GLIS1: variants seen among roughly 807,000 people sequenced by gnomAD.
GLIS1 encodes the protein GLIS family zinc finger 1.
In GLIS1, 24 loss-of-function variants were observed where a neutral mutation model predicts 63.8. That is an observed-to-expected ratio of 0.38 (90% CI 0.27 to 0.53). The LOEUF (loss-of-function observed/expected upper bound fraction) is 0.53. GLIS1 is among the 20% of genes least tolerant of loss of function. The pLI is 0.85. For synonymous variants in GLIS1, 450 were observed against 482.5 expected (o/e 0.93, Z 0.88); for missense variants, 1,036 against 1,074.1 (o/e 0.96, Z 0.50).
chr1:53,696,603 C>A (rs956786690), intron 2 of GLIS1, among the ~76,000 whole-genome samples: 4 of 152,090 alleles, frequency 2.6e-5, no homozygotes, highest in African/African-American at 7.2e-5. Flanking sequence ...CAAACTCCCC[C>A]ACCCTCACCC....
At chr1:53,698,779 T>C (rs2100486018) in intron 2 of GLIS1, among the ~76,000 whole-genome samples, 1 of 152,268 alleles carries the variant, frequency 6.6e-6, no homozygotes, top group South Asian at 2.1e-4. Context: ...CCATAAAAAC[T>C]CAGCCACTTC....
chr1:53,705,609 C>T (rs1646570998), intron 2 of GLIS1, among the ~76,000 whole-genome samples: 1 of 152,104 alleles, frequency 6.6e-6, no homozygotes, highest in African/African-American at 2.4e-5. Flanking sequence ...AGGTCACCTG[C>T]CACCAGGTGT....
chr1:53,568,741 A>G (rs1644957520), intron 4 of GLIS1, among the ~76,000 whole-genome samples: 2 of 152,280 alleles, frequency 1.3e-5, no homozygotes, highest in South Asian at 2.1e-4. Flanking sequence ...CTGCTCCACC[A>G]TGATAAGACA....
chr1:53,708,149 G>A (rs1316413745), intron 2 of GLIS1, among the ~76,000 whole-genome samples: 2 of 152,086 alleles, frequency 1.3e-5, no homozygotes, highest in South Asian at 4.2e-4. Flanking sequence ...TGGGCGTGGT[G>A]GGGGATGCCT....
At chr1:53,559,994 C>T (rs547193865) in intron 4 of GLIS1, among the ~76,000 whole-genome samples, 1 of 152,290 alleles carries the variant, frequency 6.6e-6, no homozygotes, top group South Asian at 2.1e-4. Context: ...ACTTATCCTT[C>T]AAGGTCCAAC....
At chr1:53,685,412 C>T (rs1003638534) in intron 2 of GLIS1, among the ~76,000 whole-genome samples, 2 of 152,228 alleles carry the variant, frequency 1.3e-5, no homozygotes, top group African/African-American at 2.4e-5. Context: ...TCAGCGCTGC[C>T]GGCCTGTGTA....
At chr1:53,579,633 A>C (rs1645065852) in intron 4 of GLIS1, among the ~76,000 whole-genome samples, 1 of 152,236 alleles carries the variant, frequency 6.6e-6, no homozygotes, top group African/African-American at 2.4e-5. Flanking sequence ...TGGAGCTGGA[A>C]GCAGCCCTCA....
intron 2 of GLIS1, among the ~76,000 whole-genome samples, chr1:53,659,967 G>A (rs1330595375): frequency 2.6e-5 from 4 of 152,162 alleles, no homozygotes; most frequent in Admixed American, 6.5e-5. Flanking sequence ...CCTCCTGGCT[G>A]GGTGGCCTTG....
At chr1:53,685,294 T>C (rs1285986907) in intron 2 of GLIS1, among the ~76,000 whole-genome samples, 1 of 152,176 alleles carries the variant, frequency 6.6e-6, no homozygotes, top group Admixed American at 6.5e-5. Context: ...TCACTCCCTT[T>C]GGAGCCCGCG....
rs1646897300 is a variant in GLIS1 at position 53,734,792 on chromosome 1, A to C, written c.259+3014T>G. 2.6e-5 allele frequency among the ~76,000 whole-genome samples: 4 copies of C among 152,212 alleles called. No homozygotes were observed. In the South Asian group the frequency reaches 8.3e-4, roughly 32 times the overall value. ...AAAGCTGTCCGCCTGCATAAAGCCC[A>C]GATGTTTACCTTCTTTCCTTGTCAG... On this transcript the variant is annotated intron_variant, in intron 2 of 10. Transcript: ENST00000628545.
intron 4 of GLIS1, among the ~76,000 whole-genome samples, chr1:53,532,577 C>T (rs897953082): frequency 6.6e-6 from 1 of 152,226 alleles, no homozygotes; most frequent in African/African-American, 2.4e-5. Context: ...GGCTGCAAGC[C>T]ACCTCCCTTG....
chr1:53,515,010 C>T (rs867184281), intron 7 of GLIS1, among the ~76,000 whole-genome samples: 1 of 152,058 alleles, frequency 6.6e-6, no homozygotes, highest in Middle Eastern at 3.2e-3. Context: ...GGCTGGGGCT[C>T]ACCCTGATAG....
intron 2 of GLIS1, among the ~76,000 whole-genome samples, chr1:53,665,288 A>G (rs559869054): frequency 7.2e-5 from 11 of 152,272 alleles, no homozygotes; most frequent in African/African-American, 2.6e-4. Context: ...CTGGGCAACT[A>G]GTAGGAACAT....
intron 5 of GLIS1, among the ~76,000 whole-genome samples, chr1:53,528,406 A>C (rs1371729683): frequency 6.6e-6 from 1 of 152,038 alleles, no homozygotes; most frequent in African/African-American, 2.4e-5. Flanking sequence ...TCTGCCACAC[A>C]CCTGCTGTGG....
At chr1:53,605,475 C>T (rs373856568) in intron 2 of GLIS1, among the ~76,000 whole-genome samples, 14 of 152,214 alleles carry the variant, frequency 9.2e-5, no homozygotes, top group African/African-American at 3.4e-4. Context: ...GCAGTCCCTG[C>T]GAATAGCTGC....
At chr1:53,667,669 C>G (rs1646107989) in intron 2 of GLIS1, among the ~76,000 whole-genome samples, 1 of 152,178 alleles carries the variant, frequency 6.6e-6, no homozygotes, top group Non-Finnish European at 1.5e-5. Context: ...TTTATTTTCA[C>G]AGCATTTTGA....
At chr1:53,696,973 C>T (rs552054085) in intron 2 of GLIS1, among the ~76,000 whole-genome samples, 3 of 152,238 alleles carry the variant, frequency 2.0e-5, no homozygotes, top group Non-Finnish European at 2.9e-5. Context: ...CAGCCCCTCT[C>T]GAGATGCCCC....
At position 53,703,897 on chromosome 1, in the gene GLIS1, C is replaced by A. The variant is rs79159667; in HGVS notation, c.259+33909G>T. 4.6e-3 allele frequency among the ~76,000 whole-genome samples: 704 copies of A among 152,308 alleles called. 18 individuals carry two copies. The East Asian group carries it at 0.067, about 14-fold the overall frequency. On this transcript the variant is annotated intron_variant, in intron 2 of 10. Transcript: ENST00000628545. The stretch of plus-strand genomic sequence containing the variant: ...CCATCACTACACAGACCTTCAGTAG[C>A]CTCACAACTCAGTGACCATGTCCAG...
intron 2 of GLIS1, among the ~76,000 whole-genome samples, chr1:53,681,825 C>T (rs1646278277): frequency 7.1e-6 from 1 of 140,210 alleles, no homozygotes; most frequent in Non-Finnish European, 1.5e-5. Flanking sequence ...GGTGGAGCAA[C>T]TGGGACTGAA....
Sources: allele counts gnomAD v4.1 joint callset (sites outside exome capture counted in the v4.1 genomes callset), GRCh38; gene constraint gnomAD v4.1.1; transcripts MANE v1.5; gene names NCBI Gene and HGNC (gene_info 2026-07-23, HGNC 2026-07-21).